The following SMARCAD1 variants were observed in gnomAD, a reference collection of about 807,000 sequenced individuals.
The protein encoded by SMARCAD1 is SWI/SNF-related matrix-associated actin-dependent regulator of chromatin subfamily A containing DEAD/H box 1.
SMARCAD1 carries 25 observed loss-of-function variants against 127.1 expected under a neutral mutation model. That is an observed-to-expected ratio of 0.20 (90% CI 0.14 to 0.27). The LOEUF (loss-of-function observed/expected upper bound fraction) is 0.27. SMARCAD1 is among the 10% of genes least tolerant of loss of function. The pLI is 1.00. For synonymous variants in SMARCAD1, 400 were observed against 396.9 expected (o/e 1.01, Z -0.09); for missense variants, 807 against 1,206.0 (o/e 0.67, Z 4.90).
At chr4:94,276,914 A>T (rs1406861143) in intron 15 of SMARCAD1, 108 bp from the exon 16 acceptor site, 2 of 1,118,146 alleles carry the variant, frequency 1.8e-6, no homozygotes, top group Non-Finnish European at 2.6e-6. Flanking sequence ...AATTATTAAT[A>T]ATGGTTTTAA....
chr4:94,260,025 C>T lies in SMARCAD1; in HGVS notation c.1282-4682C>T, dbSNP rs377038246. Among the ~76,000 whole-genome samples the T allele has an allele frequency of 1.3e-3, 194 of 152,156 alleles. 7 individuals carry two copies. The South Asian group carries it at 0.027, about 21-fold the overall frequency. On this transcript the variant is annotated intron_variant, in intron 9 of 23. Transcript: ENST00000354268. Reference sequence around the variant, plus strand: ...TAGGTCTTTTAATCTGTAGATTCCTCATCCCTCTCTCTCTCCCCCTTCTGT... The same window carrying T: ...TAGGTCTTTTAATCTGTAGATTCCTTATCCCTCTCTCTCTCCCCCTTCTGT...
intron 2 of SMARCAD1, among the ~76,000 whole-genome samples, chr4:94,212,430 C>G (rs1198890032): frequency 2.6e-5 from 4 of 152,118 alleles, no homozygotes; most frequent in Admixed American, 6.5e-5. Flanking sequence ...GTGCCTTGGC[C>G]TCTGAAAGTG....
chr4:94,283,489 A>G (rs1004251449), intron 22 of SMARCAD1, among the ~76,000 whole-genome samples, 186 bp downstream of exon 22: 7 of 152,176 alleles, frequency 4.6e-5, no homozygotes, highest in African/African-American at 1.7e-4. Context: ...TTTTCTAGTA[A>G]TTATCCACCC....
At chr4:94,256,831 T>A (rs1482595758) in intron 9 of SMARCAD1, among the ~76,000 whole-genome samples, 1 of 126,208 alleles carries the variant, frequency 7.9e-6, no homozygotes, top group East Asian at 3.9e-4. Flanking sequence ...TTGATAAGTT[T>A]GTATTAAAAA....
chr4:94,233,499 C>G (rs999888762), intron 3 of SMARCAD1, among the ~76,000 whole-genome samples: 1 of 152,094 alleles, frequency 6.6e-6, no homozygotes, highest in Non-Finnish European at 1.5e-5. Flanking sequence ...TTCAATGGGA[C>G]CATTCTGATT....
intron 8 of SMARCAD1, among the ~76,000 whole-genome samples, chr4:94,251,354 C>T (rs552378179): frequency 6.6e-6 from 1 of 152,230 alleles, no homozygotes; most frequent in African/African-American, 2.4e-5. Context: ...AGTAACATAC[C>T]TAAGGAAGAA....
chr4:94,253,337 T>A (rs1197529669), intron 9 of SMARCAD1: 1 of 1,323,422 alleles, frequency 7.6e-7, no homozygotes, highest in Non-Finnish European at 9.9e-7. Flanking sequence ...TTTGCTAGCC[T>A]GTTCTGATCT....
intron 2 of SMARCAD1, among the ~76,000 whole-genome samples, chr4:94,223,734 A>C (rs1744537497): frequency 2.0e-5 from 2 of 100,156 alleles, no homozygotes; most frequent in Admixed American, 1.2e-4. Context: ...CTCCCGGCTA[A>C]TTTTTTTTTT....
intron 2 of SMARCAD1, among the ~76,000 whole-genome samples, chr4:94,211,803 C>T (rs939474467): frequency 6.6e-6 from 1 of 152,160 alleles, no homozygotes; most frequent in African/African-American, 2.4e-5. Flanking sequence ...GACTCAGATG[C>T]TTTGTTTCAT....
chr4:94,234,882 T>A (rs1223616921), intron 4 of SMARCAD1, among the ~76,000 whole-genome samples: 1 of 152,176 alleles, frequency 6.6e-6, no homozygotes, highest in Non-Finnish European at 1.5e-5. Context: ...GGCAGGTAAC[T>A]TTGAAGTGGT....
In SMARCAD1 at chr4:94,212,420, G is replaced by A. The variant is rs116272196; in HGVS notation, c.190+3836G>A. Among the ~76,000 whole-genome samples, 1,002 of 152,048 alleles carry A rather than the reference G, an allele frequency of 6.6e-3. 5 individuals carry two copies. Among genetic ancestry groups the A allele is most frequent in the Middle Eastern group, 0.054 (16 of 294 alleles). On this transcript the variant is annotated intron_variant, in intron 2 of 23. Transcript: ENST00000354268. ...AAACTCCTGACGTCAAGTGATCCAC[G>A]TGCCTTGGCCTCTGAAAGTGCTAGG... is the stretch of plus-strand genomic sequence containing the variant.
intron 2 of SMARCAD1, among the ~76,000 whole-genome samples, chr4:94,213,898 C>T (rs1742703209): frequency 6.6e-6 from 1 of 152,138 alleles, no homozygotes; most frequent in African/African-American, 2.4e-5. Context: ...ACTTGGGACT[C>T]ATCAATGTCC....
intron 1 of SMARCAD1, 115 bp downstream of exon 1, chr4:94,208,185 A>G (rs775255897): frequency 2.9e-6 from 2 of 701,404 alleles, no homozygotes; most frequent in Non-Finnish European, 5.2e-6. Context: ...ACCCCCGTCC[A>G]CCTTCTAATT....
chr4:94,235,118 G>GT (rs1347052819), intron 4 of SMARCAD1, among the ~76,000 whole-genome samples: 16 of 150,958 alleles, frequency 1.1e-4, no homozygotes, highest in African/African-American at 3.9e-4. Context: ...CAATTTTGTG[G>GT]TTTTTACTAT....
At chr4:94,216,733 C>T (rs1163796561) in intron 2 of SMARCAD1, among the ~76,000 whole-genome samples, 1 of 152,160 alleles carries the variant, frequency 6.6e-6, no homozygotes, top group Non-Finnish European at 1.5e-5. Context: ...CCCCAGGATC[C>T]ATCCATGTTG....
intron 3 of SMARCAD1, 107 bp downstream of exon 3, chr4:94,226,403 T>TC: frequency 7.0e-5 from 26 of 371,032 alleles, no homozygotes; most frequent in African/African-American, 1.1e-4. Context: ...TTTTTTTTTC[T>TC]TTTTTTTTTT....
chr4:94,279,611 C>T (rs1329895745), intron 19 of SMARCAD1, among the ~76,000 whole-genome samples: 2 of 152,100 alleles, frequency 1.3e-5, no homozygotes, highest in Non-Finnish European at 2.9e-5. Flanking sequence ...TCTGGGACTG[C>T]TTTCTCACTA....
At chr4:94,278,286 C>T in intron 16 of SMARCAD1, 136 bp from the exon 17 acceptor site, 1 of 749,690 alleles carries the variant, frequency 1.3e-6, no homozygotes, top group Non-Finnish European at 2.3e-6. Context: ...TGTGAAGTGC[C>T]ATCTAGAATG....
At chr4:94,276,592 G>C (rs1375805803) in intron 15 of SMARCAD1, 118 bp downstream of exon 15, 5 of 1,293,640 alleles carry the variant, frequency 3.9e-6, no homozygotes, top group Non-Finnish European at 5.3e-6. Flanking sequence ...GTAGTATTCT[G>C]TGTTAGCAAG....
Sources: gnomAD v4.1 joint callset for allele counts (sites outside exome capture counted in the v4.1 genomes callset) on GRCh38, gnomAD v4.1.1 for gene constraint, MANE v1.5 for transcripts, NCBI Gene and HGNC (gene_info 2026-07-23, HGNC 2026-07-21) for gene names.